The following SUZ12 variants were observed in gnomAD, a reference collection of about 807,000 sequenced individuals.
SUZ12 encodes the protein polycomb protein SUZ12.
A neutral mutation model predicts 87.3 loss-of-function variants in SUZ12; 17 were observed. The observed-to-expected ratio is 0.19, with a 90% CI of 0.13 to 0.29. SUZ12 has a LOEUF of 0.29. Among genes scored for constraint, SUZ12 ranks in the 10% least tolerant of loss-of-function variants. The pLI is 1.00. For missense variants in SUZ12, 526 were observed against 912.2 expected (o/e 0.58, Z 5.45); for synonymous variants, 253 against 312.4 (o/e 0.81, Z 2.01).
intron 1 of SUZ12, among the ~76,000 whole-genome samples, chr17:31,939,184 A>G (rs2142115637): frequency 6.6e-6 from 1 of 152,230 alleles, no homozygotes; most frequent in East Asian, 1.9e-4. Context: ...TAATATTTAT[A>G]TTGAACAAAA....
intron 11 of SUZ12, 38 bp downstream of exon 11, chr17:31,993,371 T>C: frequency 7.5e-7 from 1 of 1,324,600 alleles, no homozygotes; most frequent in Non-Finnish European, 1.1e-6. Flanking sequence ...AATTATGAAA[T>C]GTATTTGTTT....
chr17:31,951,767 C>T (rs896427014), intron 4 of SUZ12, among the ~76,000 whole-genome samples: 11 of 144,246 alleles, frequency 7.6e-5, no homozygotes, highest in African/African-American at 2.7e-4. Context: ...TGAGCCACCG[C>T]GCCCAGCCTT....
intron 13 of SUZ12, 136 bp from the exon 14 acceptor site, chr17:31,995,428 C>T (rs1047596718): frequency 6.8e-5 from 43 of 636,836 alleles, no homozygotes; most frequent in South Asian, 3.3e-4. Flanking sequence ...TGGGGGTGTG[C>T]CTCTAATACT....
chr17:31,963,607 C>A (rs1201567443), intron 4 of SUZ12, among the ~76,000 whole-genome samples: 3 of 152,000 alleles, frequency 2.0e-5, no homozygotes, highest in African/African-American at 7.2e-5. Context: ...AGTGATTCCT[C>A]TGACCTTTGA....
intron 5 of SUZ12, among the ~76,000 whole-genome samples, chr17:31,968,334 T>G (rs1358932014): frequency 1.3e-5 from 2 of 151,916 alleles, no homozygotes; most frequent in Non-Finnish European, 2.9e-5. Context: ...GCTCAAGTGA[T>G]CCTCCTGCCT....
intron 9 of SUZ12, among the ~76,000 whole-genome samples, chr17:31,983,726 T>G (rs1410939845): frequency 6.6e-6 from 1 of 152,176 alleles, no homozygotes; most frequent in Non-Finnish European, 1.5e-5. Context: ...GATGAAATAA[T>G]AAAATATTTA....
intron 14 of SUZ12, among the ~76,000 whole-genome samples, chr17:31,996,351 A>T (rs1909978964): frequency 6.6e-6 from 1 of 152,200 alleles, no homozygotes; most frequent in Admixed American, 6.5e-5. Context: ...GTGCTGGCTC[A>T]CACCTGTAAT....
At chr17:31,939,609 C>T (rs1415779088) in intron 1 of SUZ12, among the ~76,000 whole-genome samples, 4 of 151,890 alleles carry the variant, frequency 2.6e-5, no homozygotes, top group African/African-American at 4.8e-5. Flanking sequence ...CGGCAGCCTC[C>T]GCCTCCCAGG....
intron 6 of SUZ12, among the ~76,000 whole-genome samples, chr17:31,973,505 C>G (rs1908559186): frequency 6.6e-6 from 1 of 152,202 alleles, no homozygotes; most frequent in Non-Finnish European, 1.5e-5. Flanking sequence ...AATTCAGTTG[C>G]TGTTCTACCA....
Position 31,966,175 on chromosome 17 carries a change from A to T in SUZ12, c.484A>T (p.Thr162Ser). The T allele has an allele frequency of 1.3e-6, 2 of 1,591,972 alleles. No homozygotes were observed. The highest frequency in any genetic ancestry group is 1.7e-6 in the Non-Finnish European group (2 of 1,170,828). The change falls in exon 5 of 16, where the codon ACT becomes TCT. Residue 162 changes from threonine (T) to serine (S), a missense_variant. Around this residue, in one of 9 missense-constraint regions of SUZ12, gnomAD observed 49 missense variants for 73.2 expected, o/e 0.67. Coordinates refer to ENST00000322652, the MANE Select transcript of SUZ12 (RefSeq NM_015355.4). ...SLSAHLQLTFTGFFHKNDKPS... is the reference protein window; with the variant it reads ...SLSAHLQLTFSGFFHKNDKPS... ...GTCAGCTCATTTGCAGCTTACGTTT[A>T]CTGGTTTCTTCCACAAAAATGGTAT...
Position 31,991,300 on chromosome 17 carries a change from C to A in SUZ12, c.1202-1942C>A, listed in dbSNP as rs147493561. ...ACCAGGGTGGGTGGATTGCTTGAAGCCCAGGAGTTCAAGACCAGCCTGGGC... is the reference window on the plus strand; with the variant it reads ...ACCAGGGTGGGTGGATTGCTTGAAGACCAGGAGTTCAAGACCAGCCTGGGC... On this transcript the variant is annotated intron_variant, in intron 10 of 15. Coordinates refer to ENST00000322652, the MANE Select transcript of SUZ12 (RefSeq NM_015355.4). Among the ~76,000 whole-genome samples, 1,090 of 151,808 alleles carry A rather than the reference C, an allele frequency of 7.2e-3. 10 individuals carry two copies. Among genetic ancestry groups the A allele is most frequent in the African/African-American group, 0.024 (1,007 of 41,174 alleles).
In SUZ12 at chr17:31,970,848, AC is replaced by A. The variant is rs1250312626; in HGVS notation, c.506-2297del. Among the ~76,000 whole-genome samples, 8 of 152,276 alleles carry A rather than the reference AC, an allele frequency of 5.3e-5. No individual in the cohort carries two copies. In the East Asian group the frequency reaches 1.5e-3, roughly 29 times the overall value. On this transcript the variant is annotated intron_variant, in intron 5 of 15. Coordinates refer to ENST00000322652, the MANE Select transcript of SUZ12 (RefSeq NM_015355.4). ...AAAATGTGTTGCCCAGTGCCTTAGA[AC>A]AAAAAATTTTTTTTGTGTGTTCATG... is the stretch of plus-strand genomic sequence containing the variant.
chr17:31,989,764 A>C (rs1209057056), intron 10 of SUZ12, among the ~76,000 whole-genome samples: 1 of 126,446 alleles, frequency 7.9e-6, no homozygotes, highest in Non-Finnish European at 1.8e-5. Flanking sequence ...ACGACCAGCT[A>C]ATTTTTTTTT....
intron 4 of SUZ12, among the ~76,000 whole-genome samples, chr17:31,960,636 G>GGT (rs755234907): frequency 9.2e-5 from 14 of 151,966 alleles, no homozygotes; most frequent in Non-Finnish European, 1.0e-4. Context: ...GGAGTGCAGT[G>GGT]GTGTGATCTT....
intron 4 of SUZ12, among the ~76,000 whole-genome samples, chr17:31,953,094 G>T (rs1360082797): frequency 6.6e-6 from 1 of 152,020 alleles, no homozygotes; most frequent in East Asian, 1.9e-4. Flanking sequence ...TTTTATTAGG[G>T]TTATTTTCAA....
intron 8 of SUZ12, 123 bp downstream of exon 8, chr17:31,976,737 A>T (rs550098522): frequency 3.6e-5 from 28 of 767,534 alleles, no homozygotes; most frequent in Non-Finnish European, 5.6e-5. Context: ...TTACGGATGA[A>T]AAAACAAATT....
At chr17:31,986,259 C>G (rs912569982) in intron 9 of SUZ12, among the ~76,000 whole-genome samples, 2 of 152,106 alleles carry the variant, frequency 1.3e-5, no homozygotes, top group African/African-American at 4.8e-5. Flanking sequence ...AAGCTCTTAA[C>G]CCTGTAAAAT....
At chr17:31,982,767 G>A (rs1453358566) in intron 8 of SUZ12, among the ~76,000 whole-genome samples, 1 of 152,194 alleles carries the variant, frequency 6.6e-6, no homozygotes, top group East Asian at 1.9e-4. Flanking sequence ...CATGTTTAGA[G>A]TTATATCTGA....
intron 4 of SUZ12, among the ~76,000 whole-genome samples, chr17:31,952,159 C>A (rs1907025935): frequency 6.6e-6 from 1 of 152,170 alleles, no homozygotes; most frequent in East Asian, 1.9e-4. Context: ...CTCCTGGCCT[C>A]AAACCATCCT....
Sources: allele counts gnomAD v4.1 joint callset (sites outside exome capture counted in the v4.1 genomes callset), GRCh38; gene constraint gnomAD v4.1.1; regional missense constraint gnomAD v4.1.1; transcripts MANE v1.5; gene names NCBI Gene and HGNC (gene_info 2026-07-23, HGNC 2026-07-21).